TNK1: variants seen among roughly 807,000 people sequenced by gnomAD.
TNK1 encodes the protein tyrosine kinase non receptor 1, also known as non-receptor tyrosine-protein kinase TNK1.
In TNK1, 53 loss-of-function variants were observed where a neutral mutation model predicts 65.2. The ratio of observed to expected loss-of-function variants is 0.81; its 90% CI spans 0.65 to 1.02. The LOEUF (loss-of-function observed/expected upper bound fraction) is 1.02, where lower values mean the gene tolerates loss of function less well. TNK1 is among the 50% of genes least tolerant of loss of function. The pLI is 0.00. For missense variants in TNK1, 837 were observed against 878.4 expected (o/e 0.95, Z 0.60); for synonymous variants, 353 against 364.6 (o/e 0.97, Z 0.36).
At chr17:7,385,770 G>A (rs533455495) in intron 7 of TNK1, among the ~76,000 whole-genome samples, 57 of 152,222 alleles carry the variant, frequency 3.7e-4, no homozygotes, top group Admixed American at 1.2e-3. Context: ...TCACCATGTT[G>A]GCCAGGCTGG....
intron 7 of TNK1, among the ~76,000 whole-genome samples, chr17:7,385,364 CAAAAAAA>C (rs527619972): frequency 7.7e-6 from 1 of 130,686 alleles, no homozygotes; most frequent in African/African-American, 3.0e-5. Context: ...AACTCCGTCT[CAAAAAAA>C]AAAAAAAGAA....
rs1417281216 is a variant in TNK1 at position 7,383,866 on chromosome 17, T to C, written c.582+2T>C. On this transcript the variant is annotated splice_donor_variant, in intron 5 of 12. Coordinates refer to ENST00000688331, the MANE Select transcript of TNK1 (RefSeq NM_003985.6). LOFTEE classifies it high-confidence loss of function. Reference sequence around the variant, plus strand: ...GTACTGGGCCAGCCTCTGCAGATGGTGAGCAGATCCAGCCGCTGGTTCCCG... The same window carrying C: ...GTACTGGGCCAGCCTCTGCAGATGGCGAGCAGATCCAGCCGCTGGTTCCCG... The C allele has an allele frequency of 3.1e-6, 5 of 1,606,094 alleles. No individual in the cohort carries two copies. The East Asian group carries it at 1.1e-4, about 36-fold the overall frequency.
Position 7,388,928 on chromosome 17 carries a change from G to A in TNK1, c.1873-43G>A. On this transcript the variant is annotated intron_variant, in intron 12 of 12. Coordinates refer to ENST00000688331, the MANE Select transcript of TNK1 (RefSeq NM_003985.6). The surrounding 1 kb of genome is among the most constrained non-coding windows in gnomAD (Gnocchi z 4.5). ...TTGGGGTCCCTCCTCTCCTGCCCCT[G>A]CCGCCTGGCAGTCAGCTGCAACCCA... 1 of 1,559,390 alleles carries A rather than the reference G, an allele frequency of 6.4e-7. No homozygotes were observed. Among genetic ancestry groups the A allele is most frequent in the Non-Finnish European group, 8.7e-7 (1 of 1,151,128 alleles).
chr17:7,387,577 G>A, intron 10 of TNK1, 120 bp downstream of exon 10: 1 of 839,208 alleles, frequency 1.2e-6, no homozygotes, highest in Non-Finnish European at 1.8e-6. Flanking sequence ...TCTGTCTGCT[G>A]GCATCCTAGC....
rs759109926 is a variant in TNK1, at chr17:7,388,640, G to A, written c.1712G>A (p.Arg571His). 14 of 1,613,868 alleles carry A rather than the reference G, an allele frequency of 8.7e-6. No individual in the cohort carries two copies. The highest frequency in any genetic ancestry group is 8.0e-5 in the African/African-American group (6 of 74,926). Residue 571 changes from arginine to histidine, a missense_variant, in exon 11 of 13, where the codon CGT becomes CAT. Arg to His is a conservative substitution (Grantham distance 29, BLOSUM62 0). Coordinates refer to ENST00000688331, the MANE Select transcript of TNK1 (RefSeq NM_003985.6). This position sits in a 1 kb window ranked among gnomAD's most constrained non-coding sequence, Gnocchi z 4.5. Reference protein sequence around the residue: ...HNHPMGMPGARKAAALSGGLL... With the variant: ...HNHPMGMPGAHKAAALSGGLL... Reference sequence around the variant, plus strand: ...CACCCCATGGGAATGCCTGGAGCCCGTAAAGCCGCTGCCCTCTCTGGAGGC... The same window carrying A: ...CACCCCATGGGAATGCCTGGAGCCCATAAAGCCGCTGCCCTCTCTGGAGGC...
Position 7,383,018 on chromosome 17 carries a change from A to C in TNK1, c.92A>C (p.Asn31Thr). 1 of 1,614,028 alleles carries C rather than the reference A, an allele frequency of 6.2e-7. No homozygotes were observed. Among genetic ancestry groups the C allele is most frequent in the African/African-American group, 1.3e-5 (1 of 75,048 alleles). Residue 31 changes from asparagine (N) to threonine (T), a missense_variant, in exon 2 of 13, where the codon AAT (asparagine) becomes ACT (threonine). Physicochemically the swap from Asn to Thr is moderately conservative, Grantham distance 65. Transcript: ENST00000688331. ...QFYWPILEEL[N>T]VTRPEHFDFV... ...TACTGGCCCATCCTTGAGGAGCTTA[A>C]TGTCACTCGGCCAGAGCACTTCGAC... is the stretch of plus-strand genomic sequence containing the variant.
intron 7 of TNK1, 64 bp downstream of exon 7, chr17:7,384,818 C>T: frequency 1.3e-6 from 2 of 1,514,410 alleles, no homozygotes; most frequent in Non-Finnish European, 1.8e-6. Flanking sequence ...TCCCAGGGTT[C>T]CATGCGAAGA....
rs1291521299 is a variant in TNK1 at position 7,384,243 on chromosome 17, C to T, written c.856C>T (p.Pro286Ser). The change falls in exon 6 of 13, where the codon CCC (proline) becomes TCC (serine). Residue 286 changes from proline to serine, a missense_variant. Physicochemically the swap from Pro to Ser is moderately conservative, Grantham distance 74. Transcript: ENST00000688331. Reference protein sequence around the residue: ...RYVMGGPRPIPYAWCAPESLR... With the variant: ...RYVMGGPRPISYAWCAPESLR... ...CGTCATGGGCGGGCCCCGCCCTATC[C>T]CCTACGCCTGGTGAGAGCGGGTCCG... The T allele has an allele frequency of 1.4e-6, 2 of 1,480,004 alleles. No homozygotes were observed. Among genetic ancestry groups the T allele is most frequent in the Admixed American group, 2.5e-5 (1 of 40,440 alleles). The allele number at this position is 1,480,004 out of a possible 1,614,324, so 91.7% of individuals were successfully genotyped here. A position where few individuals can be genotyped will look rare whatever the true frequency, so the allele number is the denominator to read the frequency against.
rs1037788912 is a variant in TNK1, at chr17:7,382,633, C to T, written c.-91-203C>T. 6.6e-6 allele frequency among the ~76,000 whole-genome samples: 1 copy of T among 152,136 alleles called. No homozygotes were observed. Among genetic ancestry groups the T allele is most frequent in the African/African-American group, 2.4e-5 (1 of 41,412 alleles). ...TTTCAGAGTCAGGATGGTAACATAC[C>T]TGGAGTCTGTAGTAGGAGCAGGCAG... On this transcript the variant is annotated intron_variant, in intron 1 of 12. Coordinates refer to ENST00000688331, the MANE Select transcript of TNK1 (RefSeq NM_003985.6). This position sits in a 1 kb window ranked among gnomAD's most constrained non-coding sequence, Gnocchi z 4.1.
In TNK1 at chr17:7,384,026, G is replaced by A. The variant is rs994968042; in HGVS notation, c.639G>A (p.Pro213=). The change falls in exon 6 of 13, where the codon CCG becomes CCA. Residue 213 remains proline, a synonymous_variant. Transcript: ENST00000688331. ...ACGCGCGCCTAACGGCCCCGGCCCC[G>A]ACACCCCCGCTGCTCGTGGCCCTGC... ...SLHARLTAPA[P]TPPLLVALLC... The A allele has an allele frequency of 8.6e-6, 13 of 1,510,278 alleles. No homozygotes were observed. In the African/African-American group the frequency reaches 1.3e-4, roughly 15 times the overall value. 93.6% of individuals were successfully genotyped at this position (1,510,278 alleles called of 1,614,324 possible).
At position 7,388,326 on chromosome 17, in the gene TNK1, G is replaced by A; in HGVS notation, c.1478-80G>A. On this transcript the variant is annotated intron_variant, in intron 10 of 12. Transcript: ENST00000688331. The surrounding 1 kb of genome is among the most constrained non-coding windows in gnomAD (Gnocchi z 4.5). ...TATAGTCCCAGCTACTCGGGAGGCTGAGGTGGGAGGATCGCTTGAGCCCGG... is the reference window on the plus strand; with the variant it reads ...TATAGTCCCAGCTACTCGGGAGGCTAAGGTGGGAGGATCGCTTGAGCCCGG... 2.1e-6 allele frequency: 3 copies of A among 1,426,424 alleles called. No homozygotes were observed. The highest frequency in any genetic ancestry group is 1.9e-6 in the Non-Finnish European group (2 of 1,051,696). 88.4% of individuals were successfully genotyped at this position (1,426,424 alleles called of 1,614,324 possible).
chr17:7,384,666 G>T lies in TNK1; in HGVS notation c.1049G>T (p.Arg350Met). ...ARLPRPPLCS[R>M]ALYSLALRCW... is the part of the protein sequence containing the mutation. ...CTGCCTAGGCCTCCCCTCTGCTCCA[G>T]GGCCCTCTACTCCCTCGCCTTGCGC... is the stretch of plus-strand genomic sequence containing the variant. Residue 350 changes from arginine to methionine, a missense_variant, in exon 7 of 13, where the codon AGG becomes ATG. Transcript: ENST00000688331. 3 of 1,603,458 alleles carry T rather than the reference G, an allele frequency of 1.9e-6. No individual in the cohort carries two copies. Among genetic ancestry groups the T allele is most frequent in the Non-Finnish European group, 2.6e-6 (3 of 1,175,704 alleles).
rs757941105 is a variant in TNK1 at position 7,387,484 on chromosome 17, T to C, written c.1477+27T>C. 4 of 1,562,968 alleles carry C rather than the reference T, an allele frequency of 2.6e-6. No homozygotes were observed. In the South Asian group the frequency reaches 3.5e-5, roughly 14 times the overall value. On this transcript the variant is annotated intron_variant, in intron 10 of 12. Transcript: ENST00000688331. ...TGGGTGTGGTGGACTCCAGAGTCTC[T>C]GAGGAGATCAAGACCAGTCCTTCAA...
chr17:7,383,485 C>T lies in TNK1; in HGVS notation c.295C>T (p.His99Tyr), dbSNP rs376962991. The T allele has an allele frequency of 2.4e-5, 39 of 1,613,918 alleles. No homozygotes were observed. In the South Asian group the frequency reaches 2.7e-4, roughly 11 times the overall value. ...EPTLPSDSPRHLPEPEGGLKC... is the reference protein window; with the variant it reads ...EPTLPSDSPRYLPEPEGGLKC... Reference sequence around the variant, plus strand: ...CACCCTGCCCTCGGACAGCCCACGGCACCTCCCTGAGCCAGAGGGGGGCCT... The same window carrying T: ...CACCCTGCCCTCGGACAGCCCACGGTACCTCCCTGAGCCAGAGGGGGGCCT... The change falls in exon 4 of 13, where the codon CAC (histidine) becomes TAC (tyrosine). Residue 99 changes from histidine (H) to tyrosine (Y), a missense_variant. Coordinates refer to ENST00000688331, the MANE Select transcript of TNK1 (RefSeq NM_003985.6).
chr17:7,383,059 G>C lies in TNK1; in HGVS notation c.133G>C (p.Asp45His). ...PEHFDFVKPE[D>H]LDGIGMGRPA... ...GCACTTCGACTTTGTAAAGCCTGAG[G>C]ACCTGGACGGCATTGGCATGGGCCG... The change falls in exon 2 of 13, where the codon GAC becomes CAC. Residue 45 changes from aspartate to histidine, a missense_variant. Physicochemically the swap from Asp to His is moderately conservative, Grantham distance 81 (BLOSUM62 -1). Transcript: ENST00000688331. 6.2e-7 allele frequency: 1 copy of C among 1,614,008 alleles called. No homozygotes were observed. Among genetic ancestry groups the C allele is most frequent in the Non-Finnish European group, 8.5e-7 (1 of 1,179,902 alleles).
rs1454185455 is a variant in TNK1 at position 7,384,514 on chromosome 17, C to T, written c.897C>T (p.Ala299=). ...WCAPESLRHG[A]FSSASDVWMF... ...CCCCAGAGAGCCTGCGCCACGGAGC[C>T]TTCTCGTCTGCCTCGGACGTGTGGA... is the stretch of plus-strand genomic sequence containing the variant. Residue 299 remains alanine (A), a synonymous_variant, in exon 7 of 13, where the codon GCC becomes GCT. Transcript: ENST00000688331. The T allele has an allele frequency of 6.3e-7, 1 of 1,588,792 alleles. No individual in the cohort carries two copies. Among genetic ancestry groups the T allele is most frequent in the African/African-American group, 1.3e-5 (1 of 74,708 alleles).
At position 7,389,159 on chromosome 17, in the gene TNK1, G is replaced by A. The variant is rs1905421386; in HGVS notation, c.*75G>A. ...AGGGCCTGGCCACATGGGACCAAGC[G>A]GAACCAGAACAAGGTCCCGACAGGG... On this transcript the variant is annotated 3_prime_UTR_variant, in exon 13 of 13. Coordinates refer to ENST00000688331, the MANE Select transcript of TNK1 (RefSeq NM_003985.6). 15 of 1,229,174 alleles carry A rather than the reference G, an allele frequency of 1.2e-5. No homozygotes were observed. Among genetic ancestry groups the A allele is most frequent in the Admixed American group, 2.1e-5 (1 of 47,974 alleles). 76.1% of individuals were successfully genotyped at this position (1,229,174 alleles called of 1,614,324 possible). A position where few individuals can be genotyped will look rare whatever the true frequency, so the allele number is the denominator to read the frequency against.
chr17:7,383,943 C>T (rs1293379101), intron 5 of TNK1, 27 bp from the exon 6 acceptor site: 6 of 1,527,948 alleles, frequency 3.9e-6, no homozygotes, highest in South Asian at 1.2e-5. Context: ...GGGTCCGGCT[C>T]ACGCGGCGCG....
In TNK1 at chr17:7,384,183, C is replaced by A; in HGVS notation, c.796C>A (p.Leu266Met). The change falls in exon 6 of 13, where the codon CTG becomes ATG. Residue 266 changes from leucine to methionine, a missense_variant. Leu to Met is a conservative substitution (Grantham distance 15). Coordinates refer to ENST00000688331, the MANE Select transcript of TNK1 (RefSeq NM_003985.6). ...CACCATCAAGGTGGCTGACTTCGGG[C>A]TGGTGCGGCCTCTGGGCGGTGCCCG... ...PRTIKVADFG[L>M]VRPLGGARGR... is the part of the protein sequence containing the mutation. 2 of 1,532,782 alleles carry A rather than the reference C, an allele frequency of 1.3e-6. No homozygotes were observed. The highest frequency in any genetic ancestry group is 1.7e-6 in the Non-Finnish European group (2 of 1,146,312). 94.9% of individuals were successfully genotyped at this position (1,532,782 alleles called of 1,614,324 possible).
Sources: allele counts gnomAD v4.1 joint callset (sites outside exome capture counted in the v4.1 genomes callset), GRCh38; gene constraint gnomAD v4.1.1; non-coding constraint Gnocchi (gnomAD v3.1); transcripts MANE v1.5; gene names NCBI Gene and HGNC (gene_info 2026-07-23, HGNC 2026-07-21).